SCAPER: variants seen among roughly 807,000 people sequenced by gnomAD.
The protein encoded by SCAPER is S-phase cyclin A associated protein in the ER.
Under a neutral mutation model 182.2 loss-of-function variants are expected in SCAPER, and 98 were observed. The observed-to-expected ratio is 0.54, with a 90% CI of 0.46 to 0.64. The LOEUF (loss-of-function observed/expected upper bound fraction) is 0.64, where lower values mean the gene tolerates loss of function less well. Ranked by LOEUF, SCAPER falls within the 30% of genes least tolerant of loss-of-function variation. The pLI, the probability that SCAPER is intolerant of heterozygous loss-of-function variation, is 0.00. For synonymous variants in SCAPER, 605 were observed against 564.6 expected, an observed-to-expected ratio of 1.07 and a Z score of -1.01; for missense variants, 1,432 against 1,690.0, an observed-to-expected ratio of 0.85 and a Z score of 2.68.
intron 5 of SCAPER, among the ~76,000 whole-genome samples, chr15:76,815,223 A>C (rs1568227270): frequency 6.6e-6 from 1 of 152,224 alleles, no homozygotes; most frequent in East Asian, 1.9e-4. Context: ...AATTAAAAAT[A>C]CAACTACCAT....
chr15:76,841,603 C>A (rs751192938), intron 5 of SCAPER, 131 bp downstream of exon 5: 7 of 876,752 alleles, frequency 8.0e-6, no homozygotes, highest in South Asian at 5.4e-5. Flanking sequence ...GCCAAGATCG[C>A]GTCACTACAC....
At chr15:76,743,270 G>T (rs2151126290) in intron 15 of SCAPER, among the ~76,000 whole-genome samples, 3 of 152,178 alleles carry the variant, frequency 2.0e-5, no homozygotes, top group African/African-American at 7.2e-5. Flanking sequence ...GTCCAGACAG[G>T]ATTTCACAGT....
intron 24 of SCAPER, among the ~76,000 whole-genome samples, 159 bp downstream of exon 24, chr15:76,504,700 G>A (rs1021899210): frequency 7.2e-5 from 11 of 152,148 alleles, no homozygotes; most frequent in African/African-American, 2.4e-4. Flanking sequence ...CGTAAGTGAC[G>A]TTGAGCACCT....
intron 23 of SCAPER, among the ~76,000 whole-genome samples, chr15:76,511,500 A>C (rs34084619): frequency 3.2e-3 from 482 of 152,292 alleles, no homozygotes; most frequent in Non-Finnish European, 5.5e-3. Flanking sequence ...CAACTTCTTC[A>C]CAGTCTACAG....
At chr15:76,813,227 TAAAAAAAAAAAAAA>T (rs746891532) in intron 5 of SCAPER, among the ~76,000 whole-genome samples, 2 of 17,288 alleles carry the variant, frequency 1.2e-4, no homozygotes, top group African/African-American at 2.3e-4. Context: ...ATCCTTTCAC[TAAAAAAAAAAAAAA>T]AAAAAAAAAA....
intron 23 of SCAPER, among the ~76,000 whole-genome samples, chr15:76,529,530 G>A (rs1286323527): frequency 6.6e-6 from 1 of 152,178 alleles, no homozygotes; most frequent in Non-Finnish European, 1.5e-5. Flanking sequence ...AATAGAGAAG[G>A]GGGCCTCTGG....
intron 29 of SCAPER, among the ~76,000 whole-genome samples, chr15:76,370,887 C>A (rs947799928): frequency 6.6e-6 from 1 of 152,182 alleles, no homozygotes; most frequent in Non-Finnish European, 1.5e-5. Flanking sequence ...GCCCTAGAAG[C>A]TTTCCAGTCA....
rs375991391 is a variant in SCAPER at position 76,428,866 on chromosome 15, CTATATATATA to C, written c.3311+5202_3311+5211del. ...TAGGTATCCTGATCAGATCATTATA[CTATATATATA>C]TATATATATATATATATAAACATCA... On this transcript the variant is annotated intron_variant, in intron 26 of 31. Coordinates refer to ENST00000563290, the MANE Select transcript of SCAPER (RefSeq NM_020843.4). 3.0e-4 allele frequency among the ~76,000 whole-genome samples: 24 copies of C among 79,912 alleles called. 2 individuals are homozygous for C. Among genetic ancestry groups the C allele is most frequent in the South Asian group, 1.2e-3 (2 of 1,706 alleles). The allele number at this position is 79,912 out of a possible 152,430, so 52.4% of individuals were successfully genotyped here. A position where few individuals can be genotyped will look rare whatever the true frequency, so the allele number is the denominator to read the frequency against.
chr15:76,674,287 A>G (rs1411720236), intron 20 of SCAPER, among the ~76,000 whole-genome samples: 2 of 152,202 alleles, frequency 1.3e-5, no homozygotes, highest in African/African-American at 4.8e-5. Flanking sequence ...CATCTTGATG[A>G]AAGAACTCAA....
intron 22 of SCAPER, among the ~76,000 whole-genome samples, chr15:76,581,427 G>A (rs1300541438): frequency 6.6e-6 from 1 of 152,048 alleles, no homozygotes; most frequent in Non-Finnish European, 1.5e-5. Context: ...CAAGCAAATG[G>A]AATTCAACAA....
chr15:76,862,551 G>A lies in SCAPER; in HGVS notation c.7-18C>T. The A allele has an allele frequency of 1.4e-6, 2 of 1,444,628 alleles. No homozygotes were observed. Among genetic ancestry groups the A allele is most frequent in the Non-Finnish European group, 1.9e-6 (2 of 1,037,012 alleles). The allele number at this position is 1,444,628 out of a possible 1,614,324, so 89.5% of individuals were successfully genotyped here. A position where few individuals can be genotyped will look rare whatever the true frequency, so the allele number is the denominator to read the frequency against. ...AATGAAGCCTATGTATGGAAAAGAT[G>A]GTACTTATTAGATTATTAGATAAGT... On this transcript the variant is annotated intron_variant, in intron 2 of 31. Transcript: ENST00000563290.
intron 2 of SCAPER, among the ~76,000 whole-genome samples, chr15:76,868,472 C>CA (rs750479250): frequency 2.6e-5 from 4 of 151,538 alleles, no homozygotes; most frequent in Non-Finnish European, 4.4e-5. Context: ...TTACAGGATA[C>CA]AAAATCAACA....
At chr15:76,503,449 G>A (rs1156447404) in intron 24 of SCAPER, among the ~76,000 whole-genome samples, 1 of 152,170 alleles carries the variant, frequency 6.6e-6, no homozygotes, top group Non-Finnish European at 1.5e-5. Context: ...ATAGAGGAAA[G>A]GAATCCAAAT....
intron 20 of SCAPER, among the ~76,000 whole-genome samples, chr15:76,680,239 A>C (rs1464074462): frequency 6.6e-6 from 1 of 152,068 alleles, no homozygotes; most frequent in Non-Finnish European, 1.5e-5. Context: ...GACCAAAAAA[A>C]TGCATGCAAA....
intron 23 of SCAPER, among the ~76,000 whole-genome samples, chr15:76,506,523 G>A (rs988303212): frequency 3.9e-5 from 6 of 152,042 alleles, no homozygotes; most frequent in African/African-American, 1.4e-4. Flanking sequence ...AGAATAATGG[G>A]GGAATCAACT....
chr15:76,739,552 C>T (rs890953773), intron 15 of SCAPER, among the ~76,000 whole-genome samples: 2 of 152,150 alleles, frequency 1.3e-5, no homozygotes, highest in African/African-American at 2.4e-5. Flanking sequence ...ATAGCATATA[C>T]GGCATGGATA....
Position 76,434,031 on chromosome 15 carries a change from T to C in SCAPER, c.3311+47A>G, listed in dbSNP as rs375954586. On this transcript the variant is annotated intron_variant, in intron 26 of 31. Coordinates refer to ENST00000563290, the MANE Select transcript of SCAPER (RefSeq NM_020843.4). ...CCTTGAGATTTAAATTATTTTAATA[T>C]AGTTTCTTAACAAAGAACAAAGTTT... 3.3e-5 allele frequency: 49 copies of C among 1,473,848 alleles called. 1 individual carries two copies. In the African/African-American group the frequency reaches 4.5e-4, roughly 14 times the overall value. 91.3% of individuals were successfully genotyped at this position (1,473,848 alleles called of 1,614,324 possible).
intron 1 of SCAPER, among the ~76,000 whole-genome samples, chr15:76,890,663 G>A (rs191857870): frequency 2.0e-5 from 3 of 152,256 alleles, no homozygotes; most frequent in East Asian, 1.9e-4. Context: ...CTCTGAAATC[G>A]AGGCAATAAT....
chr15:76,649,943 C>T (rs1474683175), intron 21 of SCAPER, among the ~76,000 whole-genome samples: 1 of 151,980 alleles, frequency 6.6e-6, no homozygotes, highest in Non-Finnish European at 1.5e-5. Flanking sequence ...AAGAGCATAA[C>T]AAATGGTTTC....
Sources: allele counts gnomAD v4.1 joint callset (sites outside exome capture counted in the v4.1 genomes callset), GRCh38; gene constraint gnomAD v4.1.1; transcripts MANE v1.5; gene names NCBI Gene and HGNC (gene_info 2026-07-23, HGNC 2026-07-21).